PCSK5: variants seen among roughly 807,000 people sequenced by gnomAD.
PCSK5 encodes the protein proprotein convertase subtilisin/kexin type 5.
In PCSK5, 129 loss-of-function variants were observed where a neutral mutation model predicts 233.2. That is an observed-to-expected ratio of 0.55 (90% confidence interval 0.48 to 0.64). The LOEUF (loss-of-function observed/expected upper bound fraction) is 0.64. Among genes scored for constraint, PCSK5 ranks in the 30% least tolerant of loss-of-function variants. PCSK5 has a pLI of 0.00. For missense variants in PCSK5, 2,076 were observed against 2,430.1 expected (o/e 0.85, Z 3.06); for synonymous variants, 825 against 879.2 (o/e 0.94, Z 1.09).
At chr9:75,928,672 T>A (rs1219819371) in intron 1 of PCSK5, among the ~76,000 whole-genome samples, 1 of 143,040 alleles carries the variant, frequency 7.0e-6, no homozygotes, top group Non-Finnish European at 1.5e-5. Context: ...TTTGTTTGGT[T>A]GGGGCAGAGT....
intron 3 of PCSK5, 118 bp from the exon 4 acceptor site, chr9:76,023,620 A>C (rs1315946831): frequency 1.1e-6 from 1 of 893,870 alleles, no homozygotes; most frequent in Admixed American, 2.4e-5. Flanking sequence ...AGCTCATCAC[A>C]CTACTACACT....
chr9:76,179,496 A>G, intron 14 of PCSK5, 100 bp from the exon 15 acceptor site: 4 of 754,544 alleles, frequency 5.3e-6, no homozygotes, highest in Admixed American at 2.5e-5. Flanking sequence ...AACTCTCTGC[A>G]TAAGAAAAAA....
At position 76,307,712 on chromosome 9, in the gene PCSK5, G is replaced by A. The variant is rs553330893; in HGVS notation, c.3605-933G>A. ...GGGGATAATTTTGATGTTTAACAAT[G>A]ATTTGGGACAAACTTAAGATGAGAT... is the stretch of plus-strand genomic sequence containing the variant. On this transcript the variant is annotated intron_variant, in intron 28 of 37. Transcript: ENST00000674117. Among the ~76,000 whole-genome samples, 8 of 152,168 alleles carry A rather than the reference G, an allele frequency of 5.3e-5. No homozygotes were observed. The South Asian group carries it at 6.2e-4, about 12-fold the overall frequency.
At chr9:76,350,592 A>G (rs971850742) in intron 35 of PCSK5, among the ~76,000 whole-genome samples, 3 of 152,226 alleles carry the variant, frequency 2.0e-5, no homozygotes, top group Admixed American at 1.3e-4. Flanking sequence ...CTCTTGCTGT[A>G]ATAAAAGATC....
In PCSK5 at chr9:75,900,672, C is replaced by CTT. The variant is rs892483166; in HGVS notation, c.192+9300_192+9301insTT. 1.6e-4 allele frequency among the ~76,000 whole-genome samples: 17 copies of CTT among 109,160 alleles called. No individual in the cohort carries two copies. In the East Asian group the frequency reaches 2.5e-3, roughly 16 times the overall value. 71.6% of individuals were successfully genotyped at this position (109,160 alleles called of 152,430 possible). A position where few individuals can be genotyped will look rare whatever the true frequency, so the allele number is the denominator to read the frequency against. ...CCAGCCTGGGTGACGGAGCGAGACT[C>CTT]TGTCTCAAAAAAAAAAAAAAAACAA... On this transcript the variant is annotated intron_variant, in intron 1 of 37. Coordinates refer to ENST00000674117, the MANE Select transcript of PCSK5 (RefSeq NM_001372043.1).
chr9:76,136,509 G>A (rs1425559042), intron 10 of PCSK5, among the ~76,000 whole-genome samples: 3 of 152,076 alleles, frequency 2.0e-5, no homozygotes, highest in African/African-American at 7.2e-5. Flanking sequence ...TGCTTAGCAG[G>A]AATCCATAGT....
At chr9:76,281,535 A>G (rs144842182) in intron 24 of PCSK5, among the ~76,000 whole-genome samples, 1 of 152,354 alleles carries the variant, frequency 6.6e-6, no homozygotes, top group East Asian at 1.9e-4. Context: ...GCTCATTGAC[A>G]ATGTACCTGG....
chr9:76,175,307 GAAT>G, intron 14 of PCSK5, 178 bp downstream of exon 14: 1 of 604,026 alleles, frequency 1.7e-6, no homozygotes, highest in South Asian at 2.0e-5. Flanking sequence ...GAATAGAATA[GAAT>G]AGAACAGAAC....
intron 32 of PCSK5, among the ~76,000 whole-genome samples, chr9:76,327,391 GC>G (rs1829396027): frequency 6.6e-6 from 1 of 152,178 alleles, no homozygotes; most frequent in African/African-American, 2.4e-5. Flanking sequence ...ACAGGCGTAA[GC>G]CACTGCACCC....
chr9:75,905,124 T>C (rs1826204399), intron 1 of PCSK5, among the ~76,000 whole-genome samples: 1 of 152,034 alleles, frequency 6.6e-6, no homozygotes, highest in Non-Finnish European at 1.5e-5. Flanking sequence ...GAGGGTAGAT[T>C]TGTGGTTGGG....
intron 5 of PCSK5, among the ~76,000 whole-genome samples, chr9:76,046,944 A>G (rs1230565076): frequency 1.3e-5 from 2 of 152,188 alleles, no homozygotes; most frequent in African/African-American, 2.4e-5. Context: ...GTATGTCCCA[A>G]TGTCTGACAT....
At chr9:76,245,828 G>C (rs1257942810) in intron 24 of PCSK5, among the ~76,000 whole-genome samples, 1 of 152,140 alleles carries the variant, frequency 6.6e-6, no homozygotes, top group Non-Finnish European at 1.5e-5. Context: ...CGTTAACTGT[G>C]TTCAGGATAA....
At chr9:76,016,049 G>A (rs1421247548) in intron 3 of PCSK5, among the ~76,000 whole-genome samples, 1 of 152,128 alleles carries the variant, frequency 6.6e-6, no homozygotes, top group Non-Finnish European at 1.5e-5. Flanking sequence ...CTTGTATTAG[G>A]GGCTCAGTTT....
intron 22 of PCSK5, among the ~76,000 whole-genome samples, chr9:76,234,606 C>A (rs1298798559): frequency 6.6e-6 from 1 of 152,150 alleles, no homozygotes; most frequent in Non-Finnish European, 1.5e-5. Flanking sequence ...CAAAACATGA[C>A]AAATATCTGT....
intron 5 of PCSK5, among the ~76,000 whole-genome samples, chr9:76,042,264 T>C (rs1205911610): frequency 6.6e-6 from 1 of 152,258 alleles, no homozygotes; most frequent in African/African-American, 2.4e-5. Context: ...AAATGAACTT[T>C]AGTCTTATTC....
At chr9:76,113,322 C>T (rs1182272107) in intron 9 of PCSK5, among the ~76,000 whole-genome samples, 9 of 152,106 alleles carry the variant, frequency 5.9e-5, no homozygotes, top group East Asian at 1.9e-4. Flanking sequence ...TGATTCACAC[C>T]GTATGCTGTT....
chr9:75,942,627 T>A (rs907421080), intron 2 of PCSK5, among the ~76,000 whole-genome samples: 5 of 152,176 alleles, frequency 3.3e-5, no homozygotes, highest in Non-Finnish European at 5.9e-5. Context: ...CTTGTTCTCT[T>A]CTGCTTTATC....
intron 24 of PCSK5, among the ~76,000 whole-genome samples, chr9:76,283,629 CATA>C (rs1827954310): frequency 1.3e-5 from 2 of 152,140 alleles, no homozygotes; most frequent in Admixed American, 6.5e-5. Context: ...GAACTGAACC[CATA>C]ATATCTCTGA....
chr9:76,226,485 G>T (rs10746997), intron 20 of PCSK5, among the ~76,000 whole-genome samples: 103,137 of 151,948 alleles, frequency 0.68, 35,752 homozygotes, highest in African/African-American at 0.8. Context: ...GTAAGACAAC[G>T]TGATTAAACC....
Sources: allele counts gnomAD v4.1 joint callset (sites outside exome capture counted in the v4.1 genomes callset), GRCh38; gene constraint gnomAD v4.1.1; transcripts MANE v1.5; gene names NCBI Gene and HGNC (gene_info 2026-07-23, HGNC 2026-07-21).